CECR2: variants seen among roughly 807,000 people sequenced by gnomAD.
CECR2 encodes the protein CECR2 histone acetyl-lysine reader.
CECR2 carries 30 observed loss-of-function variants against 154.5 expected under a neutral mutation model. The ratio of observed to expected loss-of-function variants is 0.19; its 90% CI spans 0.15 to 0.26. The LOEUF (loss-of-function observed/expected upper bound fraction) is 0.26, where lower values mean the gene tolerates loss of function less well. Ranked by LOEUF, CECR2 falls within the 10% of genes least tolerant of loss-of-function variation. The probability of loss-of-function intolerance (pLI) is 1.00; values close to 1 mark genes in which losing one functional copy is unlikely to be tolerated. For missense variants in CECR2, 1,743 were observed against 1,829.3 expected (o/e 0.95, Z 0.86); for synonymous variants, 725 against 683.7 (o/e 1.06, Z -0.94).
intron 1 of CECR2, among the ~76,000 whole-genome samples, chr22:17,465,062 T>A (rs1468876812): frequency 6.6e-6 from 1 of 150,620 alleles, no homozygotes; most frequent in Non-Finnish European, 1.5e-5. Flanking sequence ...AGTGGCGCGA[T>A]CTCAGCTCAC....
At chr22:17,374,033 A>G (rs1469474017) in intron 1 of CECR2, among the ~76,000 whole-genome samples, 1 of 152,226 alleles carries the variant, frequency 6.6e-6, no homozygotes, top group Non-Finnish European at 1.5e-5. Flanking sequence ...GAGTAAGGTA[A>G]GGGAGGACAG....
chr22:17,416,457 G>C (rs1423792963), intron 1 of CECR2, among the ~76,000 whole-genome samples: 3 of 152,044 alleles, frequency 2.0e-5, no homozygotes, highest in African/African-American at 7.3e-5. Context: ...AACCAAATAG[G>C]GTATGTTGGT....
intron 8 of CECR2, among the ~76,000 whole-genome samples, chr22:17,519,765 A>G (rs1196543314): frequency 6.7e-6 from 1 of 150,094 alleles, no homozygotes; most frequent in Non-Finnish European, 1.5e-5. Context: ...ACACATGAAC[A>G]CTTCCTATGT....
intron 2 of CECR2, among the ~76,000 whole-genome samples, chr22:17,487,682 T>A (rs937051882): frequency 6.6e-6 from 1 of 152,016 alleles, no homozygotes; most frequent in African/African-American, 2.4e-5. Context: ...CAAAAAAATT[T>A]TTTTCATTAA....
At chr22:17,436,410 A>T (rs1401740973) in intron 1 of CECR2, among the ~76,000 whole-genome samples, 1 of 152,256 alleles carries the variant, frequency 6.6e-6, no homozygotes, top group Non-Finnish European at 1.5e-5. Flanking sequence ...TTCCTAAAAT[A>T]AGAAACTGGA....
chr22:17,370,590 G>A (rs1315136090), intron 1 of CECR2, among the ~76,000 whole-genome samples: 1 of 152,170 alleles, frequency 6.6e-6, no homozygotes, highest in African/African-American at 2.4e-5. Flanking sequence ...CGGGGCTCGG[G>A]AGCCCTTGGA....
chr22:17,504,930 G>C lies in CECR2; in HGVS notation c.784G>C (p.Glu262Gln). 1 of 1,613,668 alleles carries C rather than the reference G, an allele frequency of 6.2e-7. No individual in the cohort carries two copies. Among genetic ancestry groups the C allele is most frequent in the Admixed American group, 1.7e-5 (1 of 59,996 alleles). The change falls in exon 7 of 19, where the codon GAG (glutamate) becomes CAG (glutamine). Residue 262 changes from glutamate to glutamine, a missense_variant. By Grantham distance (29) the Glu-to-Gln change is conservative. Transcript: ENST00000262608. ...EWRQVTESFR[E>Q]RTSLRERQLY... ...GAGACAGGTCACCGAGAGTTTTCGC[G>C]AGAGGACCTCCCTTCGAGAACGGCA...
intron 1 of CECR2, among the ~76,000 whole-genome samples, chr22:17,395,057 AG>A (rs1451239958): frequency 6.6e-6 from 1 of 152,208 alleles, no homozygotes; most frequent in Non-Finnish European, 1.5e-5. Flanking sequence ...ATCAAGATAC[AG>A]AGCATTTGTA....
chr22:17,394,000 G>T (rs2053769304), intron 1 of CECR2, among the ~76,000 whole-genome samples: 1 of 149,688 alleles, frequency 6.7e-6, no homozygotes, highest in African/African-American at 2.5e-5. Flanking sequence ...CAATTCTCCT[G>T]CCTCAGCCTC....
intron 7 of CECR2, among the ~76,000 whole-genome samples, chr22:17,510,757 A>G (rs992775831): frequency 2.6e-5 from 4 of 152,144 alleles, no homozygotes; most frequent in South Asian, 2.1e-4. Context: ...ACGCACCACC[A>G]TGCCTGGCTA....
rs766008292 is a variant in CECR2 at position 17,542,905 on chromosome 22, A to G, written c.2762A>G (p.His921Arg). The part of the protein sequence containing the change: ...RLPGPFPQVA[H>R]PMSVTVSAPK... The stretch of plus-strand genomic sequence containing the variant: ...CCTGGCCCTTTTCCGCAGGTAGCTC[A>G]CCCAATGTCAGTCACTGTGTCAGCC... The change falls in exon 16 of 19, where the codon CAC (histidine) becomes CGC (arginine). Residue 921 changes from histidine (H) to arginine (R), a missense_variant. This residue lies in a region of CECR2 where 1,250 missense variants were observed against 1,192.1 expected (regional missense o/e 1.05). Transcript: ENST00000262608. The G allele has an allele frequency of 1.2e-6, 2 of 1,613,748 alleles. No homozygotes were observed. Among genetic ancestry groups the G allele is most frequent in the South Asian group, 2.2e-5 (2 of 91,064 alleles).
chr22:17,365,927 G>T (rs1246988777), upstream of CECR2, among the ~76,000 whole-genome samples: 4 of 151,204 alleles, frequency 2.6e-5, no homozygotes, highest in African/African-American at 9.7e-5. Flanking sequence ...TCCCAACATA[G>T]CTAACATTAC....
intron 2 of CECR2, among the ~76,000 whole-genome samples, chr22:17,484,416 A>G (rs182781096): frequency 4.6e-5 from 7 of 152,292 alleles, no homozygotes; most frequent in African/African-American, 1.2e-4. Flanking sequence ...CATAGGCAAT[A>G]CAGAAAAACC....
At chr22:17,493,194 A>G (rs773569797) in intron 2 of CECR2, among the ~76,000 whole-genome samples, 1 of 151,656 alleles carries the variant, frequency 6.6e-6, no homozygotes, top group Non-Finnish European at 1.5e-5. Flanking sequence ...CTGGTCTCAA[A>G]CTCCTGTCCT....
intron 4 of CECR2, 37 bp from the exon 5 acceptor site, chr22:17,500,594 C>T (rs17808463): frequency 0.15 from 216,351 of 1,406,232 alleles, 18,123 homozygotes; most frequent in Non-Finnish European, 0.17. Flanking sequence ...AATGCCAATC[C>T]TGTGCCAGAA....
Position 17,524,285 on chromosome 22 carries a change from C to G in CECR2, c.1108+14C>G. The G allele has an allele frequency of 6.2e-7, 1 of 1,604,504 alleles. No homozygotes were observed. Among genetic ancestry groups the G allele is most frequent in the Non-Finnish European group, 8.5e-7 (1 of 1,176,176 alleles). ...AGGCAGTGGAAGGTATGTGCAGTGT[C>G]CGCGTGGTCTGGAGAGGTGCATGTC... On this transcript the variant is annotated intron_variant, in intron 9 of 18. Coordinates refer to ENST00000262608, the MANE Select transcript of CECR2 (RefSeq NM_001290047.2).
intron 3 of CECR2, among the ~76,000 whole-genome samples, chr22:17,498,191 C>G (rs2055666229): frequency 6.6e-6 from 1 of 152,076 alleles, no homozygotes; most frequent in Non-Finnish European, 1.5e-5. Flanking sequence ...GAGATCGAGA[C>G]CATCCTGGCT....
chr22:17,372,796 C>T (rs1263702751), intron 1 of CECR2, among the ~76,000 whole-genome samples: 1 of 152,070 alleles, frequency 6.6e-6, no homozygotes, highest in African/African-American at 2.4e-5. Flanking sequence ...TAAATAATAG[C>T]AAGTAGTAGA....
At chr22:17,488,626 A>G (rs183602400) in intron 2 of CECR2, among the ~76,000 whole-genome samples, 129 of 152,206 alleles carry the variant, frequency 8.5e-4, no homozygotes, top group Non-Finnish European at 1.5e-3. Context: ...CATTGTTTGT[A>G]TCAGTGGTTT....
Sources: gnomAD v4.1 joint callset for allele counts (sites outside exome capture counted in the v4.1 genomes callset) on GRCh38, gnomAD v4.1.1 for gene constraint, gnomAD v4.1.1 regional missense constraint, MANE v1.5 for transcripts, NCBI Gene and HGNC (gene_info 2026-07-23, HGNC 2026-07-21) for gene names.